The following RHBDL3 variants were observed in gnomAD, a reference collection of about 807,000 sequenced individuals.
RHBDL3 encodes the protein rhomboid-related protein 3.
In RHBDL3, 28 loss-of-function variants were observed where a neutral mutation model predicts 48.2. That is an observed-to-expected ratio of 0.58 (90% CI 0.43 to 0.80). The LOEUF is 0.80. RHBDL3 is among the 30% of genes least tolerant of loss of function. The pLI, the probability that RHBDL3 is intolerant of heterozygous loss-of-function variation, is 0.00. For synonymous variants in RHBDL3, 208 were observed against 232.3 expected (o/e 0.90, Z 0.95); for missense variants, 464 against 542.7 (o/e 0.85, Z 1.44).
intron 2 of RHBDL3, among the ~76,000 whole-genome samples, chr17:32,272,258 G>A (rs1053427017): frequency 6.6e-6 from 1 of 152,250 alleles, no homozygotes; most frequent in Non-Finnish European, 1.5e-5. Context: ...TCTGAGCCCA[G>A]AGGATTTTTT....
At chr17:32,302,548 TA>T (rs60511149) in intron 6 of RHBDL3, among the ~76,000 whole-genome samples, 2,309 of 80,688 alleles carry the variant, frequency 0.029, 21 homozygotes, top group Non-Finnish European at 0.04. Context: ...TATATATATA[TA>T]TATTTTTTTT....
chr17:32,287,847 C>T (rs2040233044), intron 3 of RHBDL3, among the ~76,000 whole-genome samples: 1 of 152,176 alleles, frequency 6.6e-6, no homozygotes, highest in South Asian at 2.1e-4. Flanking sequence ...CTACAGTTGG[C>T]CGTGGAAGGC....
intron 7 of RHBDL3, among the ~76,000 whole-genome samples, chr17:32,305,903 G>C (rs2040700405): frequency 7.1e-6 from 1 of 139,930 alleles, no homozygotes; most frequent in Non-Finnish European, 1.6e-5. Context: ...GGGGGAGAGA[G>C]TGAGATTCTT....
chr17:32,310,718 A>T (rs141469455), intron 7 of RHBDL3, among the ~76,000 whole-genome samples: 2,111 of 38,266 alleles, frequency 0.055, 86 homozygotes, highest in Non-Finnish European at 0.087. Flanking sequence ...GTCTAAAAAA[A>T]ATATATATAT....
At chr17:32,318,416 C>A (rs538723472) in intron 8 of RHBDL3, among the ~76,000 whole-genome samples, 12 of 47,002 alleles carry the variant, frequency 2.6e-4, no homozygotes, top group Non-Finnish European at 4.9e-4. Flanking sequence ...GCGAGTAGAT[C>A]ACCTGAGGTC....
intron 6 of RHBDL3, among the ~76,000 whole-genome samples, chr17:32,302,529 T>C (rs1032792240): frequency 9.8e-6 from 1 of 101,952 alleles, no homozygotes; most frequent in Admixed American, 9.9e-5. Context: ...CAGCTAATTT[T>C]TGTATATATA....
At position 32,284,793 on chromosome 17, in the gene RHBDL3, C is replaced by G. The variant is rs748210770; in HGVS notation, c.270C>G (p.Ile90Met). Residue 90 changes from isoleucine to methionine, a missense_variant, in exon 3 of 9, where the codon ATC becomes ATG. Physicochemically the swap from Ile to Met is conservative, Grantham distance 10. Coordinates refer to ENST00000269051, the MANE Select transcript of RHBDL3 (RefSeq NM_138328.3). ...ALADSHADGQIGYQDFVSLMS... is the reference protein window; with the variant it reads ...ALADSHADGQMGYQDFVSLMS... ...CCGACAGCCACGCGGATGGGCAGAT[C>G]GGCTACCAGGATTTTGTCAGCCTAG... is the stretch of plus-strand genomic sequence containing the variant. 1.2e-6 allele frequency: 2 copies of G among 1,613,958 alleles called. No homozygotes were observed. Among genetic ancestry groups the G allele is most frequent in the South Asian group, 2.2e-5 (2 of 91,078 alleles).
Position 32,321,148 on chromosome 17 carries a change from C to T in RHBDL3, c.1134C>T (p.Tyr378=). 6.2e-7 allele frequency: 1 copy of T among 1,614,220 alleles called. No individual in the cohort carries two copies. The highest frequency in any genetic ancestry group is 8.5e-7 in the Non-Finnish European group (1 of 1,180,018). ...TGTGGTGGATTTTTGTGGCCATGTA[C>T]ACCGTCTTCGTGCTGTTCGCTGTCT... is the stretch of plus-strand genomic sequence containing the variant. ...QSLWWIFVAM[Y]TVFVLFAVFW... The change falls in exon 9 of 9, where the codon TAC becomes TAT. Residue 378 remains tyrosine (Y), a synonymous_variant. Coordinates refer to ENST00000269051, the MANE Select transcript of RHBDL3 (RefSeq NM_138328.3).
Position 32,265,967 on chromosome 17 carries a change from G to C in RHBDL3, c.-223G>C, listed in dbSNP as rs2039617686. ...GGAGGCCGGCGGGGCAGCTAGCGCA[G>C]TGAAGTTTGGCGGCGGAGGGGCCGG... On this transcript the variant is annotated 5_prime_UTR_variant, in exon 1 of 9. Transcript: ENST00000269051. Among the ~76,000 whole-genome samples, 7 of 146,782 alleles carry C rather than the reference G, an allele frequency of 4.8e-5. No individual in the cohort carries two copies. The South Asian group carries it at 1.5e-3, about 30-fold the overall frequency.
intron 6 of RHBDL3, among the ~76,000 whole-genome samples, chr17:32,304,164 C>T (rs2040653975): frequency 6.6e-6 from 1 of 152,212 alleles, no homozygotes; most frequent in Non-Finnish European, 1.5e-5. Context: ...GACCAAGCCT[C>T]GCATACCCTT....
intron 2 of RHBDL3, among the ~76,000 whole-genome samples, chr17:32,271,841 C>T (rs2039780394): frequency 6.6e-6 from 1 of 152,180 alleles, no homozygotes; most frequent in Admixed American, 6.5e-5. Context: ...TTGCTAATCT[C>T]CCAGAAGGAA....
chr17:32,316,900 C>T (rs1186918677), intron 8 of RHBDL3, among the ~76,000 whole-genome samples: 1 of 150,984 alleles, frequency 6.6e-6, no homozygotes, highest in Non-Finnish European at 1.5e-5. Flanking sequence ...GAGATGGAGC[C>T]TCCCCCTGTC....
chr17:32,284,959 C>T, intron 3 of RHBDL3, 142 bp downstream of exon 3: 1 of 719,018 alleles, frequency 1.4e-6, no homozygotes, highest in Non-Finnish European at 2.3e-6. Flanking sequence ...GAAAGGGTGC[C>T]ACCAAGGACT....
At chr17:32,281,676 T>C (rs2040053069) in intron 2 of RHBDL3, among the ~76,000 whole-genome samples, 1 of 152,158 alleles carries the variant, frequency 6.6e-6, no homozygotes, top group African/African-American at 2.4e-5. Context: ...TCCCTGGCTG[T>C]GGTTGCCACA....
chr17:32,309,946 A>G (rs2040805074), intron 7 of RHBDL3, among the ~76,000 whole-genome samples: 1 of 151,608 alleles, frequency 6.6e-6, no homozygotes, highest in Non-Finnish European at 1.5e-5. Context: ...TGCCTAGCTA[A>G]CCATGTTGCC....
chr17:32,305,228 G>T, intron 6 of RHBDL3, 113 bp from the exon 7 acceptor site: 1 of 726,806 alleles, frequency 1.4e-6, no homozygotes, highest in South Asian at 1.5e-5. Flanking sequence ...GGAAGAGGTG[G>T]AGCGTCTTGC....
rs1353376409 is a variant in RHBDL3 at position 32,308,112 on chromosome 17, GT to G, written c.882+2672del. 2.0e-5 allele frequency among the ~76,000 whole-genome samples: 3 copies of G among 152,220 alleles called. No homozygotes were observed. The East Asian group carries it at 5.8e-4, about 29-fold the overall frequency. On this transcript the variant is annotated intron_variant, in intron 7 of 8. Coordinates refer to ENST00000269051, the MANE Select transcript of RHBDL3 (RefSeq NM_138328.3). ...GTAGGGCACGTTTGTCGAGAGAGGT[GT>G]GAGAGCAGTTTTGTTCCAGTTGATG... is the stretch of plus-strand genomic sequence containing the variant.
At chr17:32,276,379 A>G (rs938383917) in intron 2 of RHBDL3, among the ~76,000 whole-genome samples, 6 of 152,124 alleles carry the variant, frequency 3.9e-5, no homozygotes, top group Non-Finnish European at 8.8e-5. Flanking sequence ...TGGGAGAGAA[A>G]GCTCCTACTC....
chr17:32,275,158 C>A (rs1489586655), intron 2 of RHBDL3, among the ~76,000 whole-genome samples: 1 of 152,114 alleles, frequency 6.6e-6, no homozygotes, highest in African/African-American at 2.4e-5. Flanking sequence ...ATGTCAGATC[C>A]CTCCCTGCTG....
Sources: allele counts gnomAD v4.1 joint callset (sites outside exome capture counted in the v4.1 genomes callset), GRCh38; gene constraint gnomAD v4.1.1; transcripts MANE v1.5; gene names NCBI Gene and HGNC (gene_info 2026-07-23, HGNC 2026-07-21).